LEFTY1: variants seen among roughly 807,000 people sequenced by gnomAD.
The protein encoded by LEFTY1 is left-right determination factor B.
In LEFTY1, 18 loss-of-function variants were observed where a neutral mutation model predicts 22.6. The ratio of observed to expected loss-of-function variants is 0.80; its 90% CI spans 0.55 to 1.18. LEFTY1 has a LOEUF of 1.18. Among genes scored for constraint, LEFTY1 ranks in the 50% most tolerant of loss-of-function variants. The pLI, the probability that LEFTY1 is intolerant of heterozygous loss-of-function variation, is 0.00. For missense variants in LEFTY1, 414 were observed against 495.4 expected (o/e 0.84, Z 1.56); for synonymous variants, 201 against 231.5 (o/e 0.87, Z 1.20).
At position 225,887,741 on chromosome 1, in the gene LEFTY1, C is replaced by T. The variant is rs751673882; in HGVS notation, c.497+45G>A. On this transcript the variant is annotated intron_variant, in intron 2 of 3. Coordinates refer to ENST00000272134, the MANE Select transcript of LEFTY1 (RefSeq NM_020997.4). ...CCGCGTCCCCGCCCCCAAGCCGGGC[C>T]TAGCAGCGCCCTCCCCCTACCCTGC... The T allele has an allele frequency of 1.6e-5, 25 of 1,564,290 alleles. No individual in the cohort carries two copies. The South Asian group carries it at 2.6e-4, about 17-fold the overall frequency.
In LEFTY1 at chr1:225,886,358, C is replaced by T. The variant is rs1440032788; in HGVS notation, c.*369G>A. On this transcript the variant is annotated 3_prime_UTR_variant, in exon 4 of 4. Coordinates refer to ENST00000272134, the MANE Select transcript of LEFTY1 (RefSeq NM_020997.4). ...TGGGGATGCACAACCCACACTTAAC[C>T]CCAGGTCTTAGGTCCAGAGTGGTGG... The T allele has an allele frequency of 2.2e-5, 5 of 225,336 alleles. No homozygotes were observed. Among genetic ancestry groups the T allele is most frequent in the Non-Finnish European group, 4.3e-5 (5 of 115,442 alleles). 14.0% of individuals were successfully genotyped at this position (225,336 alleles called of 1,614,324 possible).
chr1:225,887,310 C>A, intron 3 of LEFTY1, 89 bp downstream of exon 3: 1 of 1,589,950 alleles, frequency 6.3e-7, no homozygotes, highest in South Asian at 1.1e-5. Context: ...CATTCATTCC[C>A]ACAGCACTCT....
intron 1 of LEFTY1, 104 bp downstream of exon 1, chr1:225,888,713 C>G: frequency 6.7e-7 from 1 of 1,494,422 alleles, no homozygotes; most frequent in Non-Finnish European, 9.0e-7. Flanking sequence ...CCTCACTCAG[C>G]CTCCCACAGA....
chr1:225,887,757 C>A (rs1287876901), intron 2 of LEFTY1, 29 bp downstream of exon 2: 1 of 1,554,650 alleles, frequency 6.4e-7, no homozygotes, highest in Non-Finnish European at 8.7e-7. Flanking sequence ...GCGCCCTCCC[C>A]CTACCCTGCG....
Position 225,889,070 on chromosome 1 carries a change from G to A in LEFTY1, c.-4C>T. ...AGCAGAGCCACAGGGGCTGCATGGT[G>A]CTGCCCTGGAGGAGCAAGAGGCAGA... On this transcript the variant is annotated 5_prime_UTR_variant, in exon 1 of 4. Transcript: ENST00000272134. 6.8e-7 allele frequency: 1 copy of A among 1,464,632 alleles called. No homozygotes were observed. The highest frequency in any genetic ancestry group is 9.0e-7 in the Non-Finnish European group (1 of 1,112,186). The allele number at this position is 1,464,632 out of a possible 1,614,324, so 90.7% of individuals were successfully genotyped here.
At position 225,887,937 on chromosome 1, in the gene LEFTY1, C is replaced by T. The variant is rs748341192; in HGVS notation, c.346G>A (p.Ala116Thr). ...RLPPNSELVQ[A>T]VLRLFQEPVP... is the part of the protein sequence containing the mutation. ...GGCTCCTGGAAGAGCCGCAGCACGG[C>T]CTGCACCAGCTCGCTGTTGGGCGGC... Residue 116 changes from alanine to threonine, a missense_variant, in exon 2 of 4, where the codon GCC becomes ACC. By Grantham distance (58) the Ala-to-Thr change is moderately conservative. Transcript: ENST00000272134. 41 of 1,558,122 alleles carry T rather than the reference C, an allele frequency of 2.6e-5. No individual in the cohort carries two copies. In the South Asian group the frequency reaches 4.8e-4, roughly 18 times the overall value.
intron 1 of LEFTY1, 48 bp from the exon 2 acceptor site, chr1:225,888,080 G>A (rs1384859843): frequency 6.3e-7 from 1 of 1,586,278 alleles, no homozygotes; most frequent in Non-Finnish European, 8.5e-7. Flanking sequence ...CTCCAGGGGA[G>A]CTCTGAGGAT....
rs3766941 is a variant in LEFTY1 at position 225,886,673 on chromosome 1, C to T, written c.*54G>A. On this transcript the variant is annotated 3_prime_UTR_variant, in exon 4 of 4. Transcript: ENST00000272134. ...TCATCGCCAGCTCTCCTGGTACCCT[C>T]GAACACTTCAGAAACACACACAAGT... is the stretch of plus-strand genomic sequence containing the variant. 6.2e-6 allele frequency: 10 copies of T among 1,609,740 alleles called. No individual in the cohort carries two copies. The highest frequency in any genetic ancestry group is 5.5e-5 in the South Asian group (5 of 90,738).
rs1016695669 is a variant in LEFTY1 at position 225,887,801 on chromosome 1, G to C, written c.482C>G (p.Ser161Cys). Residue 161 changes from serine (S) to cysteine (C), a missense_variant, in exon 2 of 4, where the codon TCC (serine) becomes TGC (cysteine). Physicochemically the swap from Ser to Cys is moderately radical, Grantham distance 112. Around this residue, in one of 2 missense-constraint regions of LEFTY1, gnomAD observed 398 missense variants for 454.7 expected, o/e 0.88. Coordinates refer to ENST00000272134, the MANE Select transcript of LEFTY1 (RefSeq NM_020997.4). ...CGACCCCCACCTGGAGTCGATGAGG[G>C]AGGTGCGGTTGGAGCCGTCGTCGCG... ...RVRDDGSNRT[S>C]LIDSRLVSVH... 18 of 1,545,544 alleles carry C rather than the reference G, an allele frequency of 1.2e-5. No homozygotes were observed. The highest frequency in any genetic ancestry group is 1.5e-5 in the Non-Finnish European group (17 of 1,150,752).
rs1270437126 is a variant in LEFTY1, at chr1:225,886,949, A to G, written c.879T>C (p.Cys293=). 1 of 1,613,634 alleles carries G rather than the reference A, an allele frequency of 6.2e-7. No homozygotes were observed. Among genetic ancestry groups the G allele is most frequent in the South Asian group, 1.1e-5 (1 of 91,058 alleles). ...CCGGGGGCTGCCGGCAGGTGCCCAC[A>G]CACTCATAAGCCAGGAAGCCCGGGG... ...LEPPGFLAYE[C]VGTCRQPPEA... is the part of the protein sequence containing the mutation. The change falls in exon 4 of 4, where the codon TGT becomes TGC. Residue 293 remains cysteine (C), a synonymous_variant. Coordinates refer to ENST00000272134, the MANE Select transcript of LEFTY1 (RefSeq NM_020997.4).
At position 225,887,869 on chromosome 1, in the gene LEFTY1, C is replaced by T; in HGVS notation, c.414G>A (p.Pro138=). Residue 138 remains proline, a synonymous_variant, in exon 2 of 4, where the codon CCG becomes CCA. Transcript: ENST00000272134. The part of the protein sequence containing the change: ...AALHRHGRLS[P]RSARARVTVE... The stretch of plus-strand genomic sequence containing the variant: ...CGGTCACCCGGGCCCGGGCGCTGCG[C>T]GGGGACAGCCGCCCGTGCCTGTGCA... 6.5e-7 allele frequency: 1 copy of T among 1,531,666 alleles called. No individual in the cohort carries two copies. The highest frequency in any genetic ancestry group is 8.7e-7 in the Non-Finnish European group (1 of 1,145,664). The allele number at this position is 1,531,666 out of a possible 1,614,324, so 94.9% of individuals were successfully genotyped here. A position where few individuals can be genotyped will look rare whatever the true frequency, so the allele number is the denominator to read the frequency against.
At position 225,887,867 on chromosome 1, in the gene LEFTY1, C is replaced by G; in HGVS notation, c.416G>C (p.Arg139Pro). 6.5e-7 allele frequency: 1 copy of G among 1,531,432 alleles called. No homozygotes were observed. Among genetic ancestry groups the G allele is most frequent in the East Asian group, 2.5e-5 (1 of 40,634 alleles). The allele number at this position is 1,531,432 out of a possible 1,614,324, so 94.9% of individuals were successfully genotyped here. A position where few individuals can be genotyped will look rare whatever the true frequency, so the allele number is the denominator to read the frequency against. Residue 139 changes from arginine (R) to proline (P), a missense_variant, in exon 2 of 4, where the codon CGC (arginine) becomes CCC (proline). By Grantham distance (103) the Arg-to-Pro change is moderately radical. Coordinates refer to ENST00000272134, the MANE Select transcript of LEFTY1 (RefSeq NM_020997.4). ...ALHRHGRLSP[R>P]SARARVTVEW... The stretch of plus-strand genomic sequence containing the variant: ...GACGGTCACCCGGGCCCGGGCGCTG[C>G]GCGGGGACAGCCGCCCGTGCCTGTG...
Position 225,888,087 on chromosome 1 carries a change from G to C in LEFTY1, c.251-55C>G, listed in dbSNP as rs1671325028. 1.9e-6 allele frequency: 3 copies of C among 1,582,974 alleles called. No individual in the cohort carries two copies. The African/African-American group carries it at 4.1e-5, about 22-fold the overall frequency. The stretch of plus-strand genomic sequence containing the variant: ...TCCCCCGACTCCAGGGGAGCTCTGA[G>C]GATGGCAGGGCCACTGAGCTGGCAG... On this transcript the variant is annotated intron_variant, in intron 1 of 3. Transcript: ENST00000272134.
rs41315436 is a variant in LEFTY1, at chr1:225,886,648, T to A, written c.*79A>T. On this transcript the variant is annotated 3_prime_UTR_variant, in exon 4 of 4. Transcript: ENST00000272134. The stretch of plus-strand genomic sequence containing the variant: ...GAGCATTTGTCCATCAGCAGTTCAG[T>A]CATCGCCAGCTCTCCTGGTACCCTC... The A allele has an allele frequency of 1.3e-6, 2 of 1,595,850 alleles. No homozygotes were observed. The highest frequency in any genetic ancestry group is 1.7e-6 in the Non-Finnish European group (2 of 1,172,806).
chr1:225,888,147 G>A (rs573606819), intron 1 of LEFTY1, 115 bp from the exon 2 acceptor site: 2 of 1,432,700 alleles, frequency 1.4e-6, no homozygotes, highest in Admixed American at 4.1e-5. Flanking sequence ...TTCTATTTCT[G>A]GGGCAAACCC....
chr1:225,888,467 A>G (rs1182399126), intron 1 of LEFTY1, among the ~76,000 whole-genome samples: 1 of 152,186 alleles, frequency 6.6e-6, no homozygotes, highest in African/African-American at 2.4e-5. Context: ...TCTATTTACA[A>G]TGACTCATTT....
rs35310234 is a variant in LEFTY1 at position 225,889,076 on chromosome 1, C to T, written c.-10G>A. ...GCCACAGGGGCTGCATGGTGCTGCC[C>T]TGGAGGAGCAAGAGGCAGAGTGGGG... On this transcript the variant is annotated 5_prime_UTR_variant, in exon 1 of 4. Coordinates refer to ENST00000272134, the MANE Select transcript of LEFTY1 (RefSeq NM_020997.4). The T allele has an allele frequency of 0.025, 36,607 of 1,457,440 alleles. 593 individuals carry two copies. Among genetic ancestry groups the T allele is most frequent in the Non-Finnish European group, 0.028 (31,277 of 1,108,990 alleles). 90.3% of individuals were successfully genotyped at this position (1,457,440 alleles called of 1,614,324 possible).
intron 1 of LEFTY1, among the ~76,000 whole-genome samples, chr1:225,888,552 G>T (rs964700230): frequency 2.0e-5 from 3 of 152,222 alleles, no homozygotes; most frequent in African/African-American, 4.8e-5. Context: ...GTTGTGAGAT[G>T]ATTTTAAAGC....
Position 225,887,842 on chromosome 1 carries a change from G to C in LEFTY1, c.441C>G (p.Val147=). ...CGTCGTCGCGGACGCGCAGCCACTC[G>C]ACGGTCACCCGGGCCCGGGCGCTGC... The part of the protein sequence containing the change: ...SPRSARARVT[V]EWLRVRDDGS... The change falls in exon 2 of 4, where the codon GTC becomes GTG. Residue 147 remains valine (V), a synonymous_variant. Transcript: ENST00000272134. 1 of 1,532,836 alleles carries C rather than the reference G, an allele frequency of 6.5e-7. No homozygotes were observed. Among genetic ancestry groups the C allele is most frequent in the Non-Finnish European group, 8.7e-7 (1 of 1,146,326 alleles). 95.0% of individuals were successfully genotyped at this position (1,532,836 alleles called of 1,614,324 possible). A position where few individuals can be genotyped will look rare whatever the true frequency, so the allele number is the denominator to read the frequency against.
Sources: allele counts gnomAD v4.1 joint callset (sites outside exome capture counted in the v4.1 genomes callset), GRCh38; gene constraint gnomAD v4.1.1; regional missense constraint gnomAD v4.1.1; transcripts MANE v1.5; gene names NCBI Gene and HGNC (gene_info 2026-07-23, HGNC 2026-07-21).